The following SIPA1L1 variants were observed in gnomAD, a reference collection of about 807,000 sequenced individuals.
The protein encoded by SIPA1L1 is signal induced proliferation associated 1 like 1.
A neutral mutation model predicts 162.7 loss-of-function variants in SIPA1L1; 26 were observed. That is an observed-to-expected ratio of 0.16 (90% CI 0.12 to 0.22). The LOEUF is 0.22. SIPA1L1 is among the 10% of genes least tolerant of loss of function. SIPA1L1 has a pLI of 1.00. For synonymous variants in SIPA1L1, 829 were observed against 837.4 expected (o/e 0.99, Z 0.17); for missense variants, 1,874 against 2,241.0 (o/e 0.84, Z 3.31).
intron 13 of SIPA1L1, among the ~76,000 whole-genome samples, chr14:71,697,488 CA>C (rs369617286): frequency 2.4e-4 from 36 of 147,180 alleles, no homozygotes; most frequent in East Asian, 1.2e-3. Context: ...TATGTGGTAC[CA>C]AAAAAAAAAT....
chr14:71,565,811 A>G (rs886686214), intron 4 of SIPA1L1, among the ~76,000 whole-genome samples: 1 of 91,256 alleles, frequency 1.1e-5, no homozygotes, highest in Non-Finnish European at 2.0e-5. Flanking sequence ...AAACTCCTTT[A>G]TAGAAAATAT....
intron 4 of SIPA1L1, chr14:71,586,452 G>A (rs1456051582): frequency 6.6e-6 from 1 of 152,198 alleles, no homozygotes; most frequent in Non-Finnish European, 1.5e-5. Context: ...GTGATTTGTA[G>A]ACAATGCCGC....
intron 12 of SIPA1L1, among the ~76,000 whole-genome samples, chr14:71,679,901 C>T (rs2045625280): frequency 1.3e-5 from 2 of 152,148 alleles, no homozygotes; most frequent in Admixed American, 6.5e-5. Flanking sequence ...AATATATATG[C>T]ACCCAATACA....
chr14:71,376,472 G>A (rs1250952362), intron 2 of SIPA1L1, among the ~76,000 whole-genome samples: 1 of 151,054 alleles, frequency 6.6e-6, no homozygotes, highest in Admixed American at 6.6e-5. Flanking sequence ...CCAGATTTAA[G>A]CTACTCTTGA....
chr14:71,460,436 T>A (rs534827025), intron 2 of SIPA1L1, among the ~76,000 whole-genome samples: 1 of 152,326 alleles, frequency 6.6e-6, no homozygotes, highest in African/African-American at 2.4e-5. Flanking sequence ...CTGTATTCCT[T>A]GCATACTCTT....
rs1270297762 is a variant in SIPA1L1 at position 71,377,199 on chromosome 14, G to C, written c.-465+56018G>C. 6.7e-6 allele frequency among the ~76,000 whole-genome samples: 1 copy of C among 149,056 alleles called. No individual in the cohort carries two copies. The highest frequency in any genetic ancestry group is 1.5e-5 in the Non-Finnish European group (1 of 67,062). ...GATGGGGCGGCGGCCGGGTGGGGGC[G>C]CCCCCCCACCTCCCAGATGGGGTGG... is the stretch of plus-strand genomic sequence containing the variant. On this transcript the variant is annotated intron_variant, in intron 2 of 23. Transcript: ENST00000381232. The surrounding 1 kb of genome is among the most constrained non-coding windows in gnomAD (Gnocchi z 4.8).
At chr14:71,500,290 T>A (rs570627956) in intron 2 of SIPA1L1, among the ~76,000 whole-genome samples, 2 of 152,268 alleles carry the variant, frequency 1.3e-5, no homozygotes, top group East Asian at 3.9e-4. Context: ...AATAAAAGCG[T>A]GACACTCCCT....
intron 2 of SIPA1L1, among the ~76,000 whole-genome samples, chr14:71,479,393 T>G (rs544019688): frequency 1.2e-4 from 17 of 141,010 alleles, no homozygotes; most frequent in African/African-American, 4.1e-4. Flanking sequence ...ATGTATGTAT[T>G]CATTCATTCA....
chr14:71,735,166 C>G (rs1220024182), intron 21 of SIPA1L1, 111 bp from the exon 22 acceptor site: 2 of 719,462 alleles, frequency 2.8e-6, no homozygotes, highest in Non-Finnish European at 2.5e-6. Context: ...CCAGTGCATC[C>G]TGCACTGGAA....
At chr14:71,580,910 A>G (rs2033839847) in intron 4 of SIPA1L1, among the ~76,000 whole-genome samples, 1 of 152,194 alleles carries the variant, frequency 6.6e-6, no homozygotes, top group South Asian at 2.1e-4. Context: ...GAAATTACTC[A>G]TAATCAAAAG....
chr14:71,527,924 G>C (rs1259696520), intron 3 of SIPA1L1, among the ~76,000 whole-genome samples: 1 of 152,062 alleles, frequency 6.6e-6, no homozygotes, highest in Non-Finnish European at 1.5e-5. Flanking sequence ...TCGCTCTATC[G>C]TCCAGGCTGG....
chr14:71,571,307 T>G (rs1319132655), intron 4 of SIPA1L1, among the ~76,000 whole-genome samples: 1 of 151,764 alleles, frequency 6.6e-6, no homozygotes, highest in Admixed American at 6.6e-5. Flanking sequence ...AATAGAACAT[T>G]TACAGAATGA....
rs779278356 is a variant in SIPA1L1 at position 71,672,434 on chromosome 14, C to T, written c.2916C>T (p.Gly972=). The change falls in exon 12 of 24, where the codon GGC becomes GGT. Residue 972 remains glycine, a synonymous_variant. Transcript: ENST00000381232. The part of the protein sequence containing the change: ...GQLGFHVNYE[G]IVADVEPYGY... ...TTGGCTTCCATGTCAACTATGAGGG[C>T]ATTGTGGCGGATGTGGAGCCCTACG... 4.3e-6 allele frequency: 7 copies of T among 1,614,068 alleles called. No homozygotes were observed. The highest frequency in any genetic ancestry group is 3.3e-5 in the South Asian group (3 of 91,090).
At chr14:71,675,020 G>A (rs1053358287) in intron 12 of SIPA1L1, among the ~76,000 whole-genome samples, 2 of 152,218 alleles carry the variant, frequency 1.3e-5, no homozygotes, top group African/African-American at 4.8e-5. Flanking sequence ...CAGCAGTGAT[G>A]TGCTGGTGAG....
At chr14:71,431,341 T>G (rs893909900) in intron 2 of SIPA1L1, among the ~76,000 whole-genome samples, 7 of 152,184 alleles carry the variant, frequency 4.6e-5, no homozygotes, top group African/African-American at 1.7e-4. Context: ...CAAGTAGCAG[T>G]ATACACTCCT....
chr14:71,623,682 T>C (rs1043310451), intron 6 of SIPA1L1, among the ~76,000 whole-genome samples: 2 of 152,220 alleles, frequency 1.3e-5, no homozygotes, highest in African/African-American at 4.8e-5. Context: ...CAGACATTGC[T>C]CTGGGGTTCT....
At chr14:71,735,229 C>A in intron 21 of SIPA1L1, 48 bp from the exon 22 acceptor site, 1 of 1,274,670 alleles carries the variant, frequency 7.8e-7, no homozygotes, top group Non-Finnish European at 1.1e-6. Flanking sequence ...TAGATAGGGC[C>A]AGGGATGTGG....
At chr14:71,414,642 G>T (rs2042631762) in intron 2 of SIPA1L1, among the ~76,000 whole-genome samples, 1 of 152,206 alleles carries the variant, frequency 6.6e-6, no homozygotes, top group African/African-American at 2.4e-5. Context: ...CCTCCATAGT[G>T]AATGCATTTA....
intron 2 of SIPA1L1, among the ~76,000 whole-genome samples, chr14:71,326,666 C>G (rs527875211): frequency 1.3e-5 from 2 of 149,592 alleles, no homozygotes; most frequent in African/African-American, 4.9e-5. Context: ...TTCTGTAATT[C>G]ATTTTCTTCA....
Sources: allele counts gnomAD v4.1 joint callset (sites outside exome capture counted in the v4.1 genomes callset), GRCh38; gene constraint gnomAD v4.1.1; non-coding constraint Gnocchi (gnomAD v3.1); transcripts MANE v1.5; gene names NCBI Gene and HGNC (gene_info 2026-07-23, HGNC 2026-07-21).